Variants in PATJ observed in about 807,000 individuals in gnomAD.
The protein encoded by PATJ is PATJ crumbs cell polarity complex component.
In PATJ, 190 loss-of-function variants were observed where a neutral mutation model predicts 224.9. The ratio of observed to expected loss-of-function variants is 0.84; its 90% CI spans 0.75 to 0.95. The LOEUF is 0.95. Among genes scored for constraint, PATJ ranks in the 40% least tolerant of loss-of-function variants. PATJ has a pLI of 0.00. For synonymous variants in PATJ, 769 were observed against 820.3 expected, an observed-to-expected ratio of 0.94 and a Z score of 1.07; for missense variants, 2,121 against 2,270.3, an observed-to-expected ratio of 0.93 and a Z score of 1.34.
rs754511510 is a variant in PATJ at position 62,116,542 on chromosome 1, G to A, written c.4666G>A (p.Gly1556Arg). The part of the protein sequence containing the change: ...LSIVGKRNGS[G>R]VFISDIVKGG... ...GTATGGTATTAACAGAAATGGAAGC[G>A]GAGTGTTTATTTCTGACATCGTGAA... is the stretch of plus-strand genomic sequence containing the variant. Residue 1556 changes from glycine to arginine, a missense_variant, in exon 36 of 44, where the codon GGA becomes AGA. Gly to Arg is a moderately radical substitution (Grantham distance 125, BLOSUM62 -2). Transcript: ENST00000642238. The A allele has an allele frequency of 1.4e-5, 23 of 1,613,786 alleles. No homozygotes were observed. The highest frequency in any genetic ancestry group is 9.3e-5 in the African/African-American group (7 of 74,904).
chr1:61,842,610 A>G (rs1283108611), intron 17 of PATJ, among the ~76,000 whole-genome samples: 1 of 152,092 alleles, frequency 6.6e-6, no homozygotes, highest in Non-Finnish European at 1.5e-5. Context: ...ATGGCCATGG[A>G]GAGCTAAAAT....
chr1:61,958,946 C>T (rs1680825505), intron 27 of PATJ, among the ~76,000 whole-genome samples: 1 of 152,032 alleles, frequency 6.6e-6, no homozygotes, highest in Admixed American at 6.5e-5. Context: ...TCAGTAAATA[C>T]GAAGAGCCTA....
intron 28 of PATJ, among the ~76,000 whole-genome samples, chr1:62,007,947 C>A (rs1646191981): frequency 6.6e-6 from 1 of 152,162 alleles, no homozygotes; most frequent in Non-Finnish European, 1.5e-5. Context: ...CAGCCCATAA[C>A]AATAGCTTCA....
intron 9 of PATJ, among the ~76,000 whole-genome samples, chr1:61,792,026 AAAAAT>A (rs1354703082): frequency 6.6e-6 from 1 of 152,218 alleles, no homozygotes; most frequent in African/African-American, 2.4e-5. Context: ...TAGGGTAAGA[AAAAAT>A]AAACCTTTCC....
intron 1 of PATJ, among the ~76,000 whole-genome samples, chr1:61,760,619 C>CTTTTTTTTTTTTTTTTTTTTTTTTTTTT (rs200693394): frequency 7.4e-6 from 1 of 135,486 alleles, no homozygotes; most frequent in Non-Finnish European, 1.6e-5. Flanking sequence ...TTTTCTTTTT[C>CTTTTTTTTTTTTTTTTTTTTTTTTTTTT]TTTTTTTTTT....
chr1:61,830,467 A>ACATGTTT (rs1553172774), intron 16 of PATJ, among the ~76,000 whole-genome samples: 2 of 151,134 alleles, frequency 1.3e-5, no homozygotes, highest in African/African-American at 4.9e-5. Flanking sequence ...TATTTCTGTG[A>ACATGTTT]CATTTTTCAC....
chr1:61,889,221 G>A (rs12068057), intron 22 of PATJ, among the ~76,000 whole-genome samples: 38,279 of 152,018 alleles, frequency 0.25, 5,064 homozygotes, highest in African/African-American at 0.33. Flanking sequence ...GTCTACGTGC[G>A]TGTGAGTGCA....
At chr1:61,874,107 A>T (rs540474430) in intron 20 of PATJ, among the ~76,000 whole-genome samples, 1 of 152,312 alleles carries the variant, frequency 6.6e-6, no homozygotes, top group South Asian at 2.1e-4. Context: ...TTTCTGGTTC[A>T]TAAATGTCAT....
intron 14 of PATJ, among the ~76,000 whole-genome samples, chr1:61,819,955 G>C (rs1293791729): frequency 6.6e-6 from 1 of 152,118 alleles, no homozygotes; most frequent in African/African-American, 2.4e-5. Context: ...ATAGATATTA[G>C]TAAAAGAGTG....
At chr1:62,001,329 C>T (rs559382920) in intron 28 of PATJ, among the ~76,000 whole-genome samples, 43 of 149,098 alleles carry the variant, frequency 2.9e-4, no homozygotes, top group African/African-American at 9.1e-4. Context: ...TTAGGTCTAA[C>T]GTTTAAGTCT....
chr1:62,101,240 C>T (rs1662116851), intron 33 of PATJ, among the ~76,000 whole-genome samples: 1 of 150,464 alleles, frequency 6.6e-6, no homozygotes, highest in African/African-American at 2.4e-5. Context: ...GACGTTAACA[C>T]AGTAGTTTCT....
intron 29 of PATJ, among the ~76,000 whole-genome samples, chr1:62,034,336 G>A (rs907248688): frequency 6.6e-6 from 1 of 151,578 alleles, no homozygotes; most frequent in Non-Finnish European, 1.5e-5. Context: ...CCAGCTACTC[G>A]AGTGGCTGAG....
In PATJ at chr1:62,081,845, G is replaced by A. The variant is rs567986789; in HGVS notation, c.4243+2278G>A. On this transcript the variant is annotated intron_variant, in intron 32 of 43. Transcript: ENST00000642238. ...GCCTCCCAAAGTGCTGAGGTTACAG[G>A]CGTGAGCCACCGCACCCGACCTAAA... Among the ~76,000 whole-genome samples, 430 of 152,296 alleles carry A rather than the reference G, an allele frequency of 2.8e-3. 3 individuals are homozygous for A. The highest frequency in any genetic ancestry group is 9.9e-3 in the African/African-American group (413 of 41,556).
At chr1:61,879,770 G>A (rs1667831668) in intron 21 of PATJ, among the ~76,000 whole-genome samples, 1 of 151,656 alleles carries the variant, frequency 6.6e-6, no homozygotes, top group Non-Finnish European at 1.5e-5. Flanking sequence ...TACCTAGAAT[G>A]GTATTGCAGA....
chr1:62,125,257 A>AAC (rs1665585097), intron 39 of PATJ, among the ~76,000 whole-genome samples: 1 of 111,624 alleles, frequency 9.0e-6, no homozygotes, highest in Non-Finnish European at 1.9e-5. Flanking sequence ...AAAAAAACAA[A>AAC]AAAAAACAAA....
chr1:61,781,086 C>T (rs505903), intron 7 of PATJ, among the ~76,000 whole-genome samples: 11,614 of 152,170 alleles, frequency 0.076, 597 homozygotes, highest in Non-Finnish European at 0.11. Context: ...AAGAAATTGC[C>T]CTAGGTTACA....
At chr1:61,750,239 T>C (rs878855721) in intron 1 of PATJ, among the ~76,000 whole-genome samples, 1 of 152,326 alleles carries the variant, frequency 6.6e-6, no homozygotes, top group Admixed American at 6.5e-5. Context: ...ACCAAGGTCC[T>C]GCCCTTGCTT....
intron 17 of PATJ, among the ~76,000 whole-genome samples, chr1:61,836,501 G>A (rs538122900): frequency 6.6e-6 from 1 of 152,288 alleles, no homozygotes; most frequent in Admixed American, 6.5e-5. Flanking sequence ...GGGGAATGGG[G>A]AGGGGAACAC....
chr1:61,763,007 C>A lies in PATJ; in HGVS notation c.23-6C>A. On this transcript the variant is annotated splice_region_variant and splice_polypyrimidine_tract_variant and intron_variant, in intron 2 of 43. Coordinates refer to ENST00000642238, the MANE Select transcript of PATJ (RefSeq NM_001350145.3). ...CTATTACTCTACTTATTCATCTTGACCCAAGATAAACTGCAGGTGCTGCAG... is the reference window on the plus strand; with the variant it reads ...CTATTACTCTACTTATTCATCTTGAACCAAGATAAACTGCAGGTGCTGCAG... 3 of 1,603,838 alleles carry A rather than the reference C, an allele frequency of 1.9e-6. No homozygotes were observed. The highest frequency in any genetic ancestry group is 2.6e-6 in the Non-Finnish European group (3 of 1,174,118).
Sources: gnomAD v4.1 joint callset for allele counts (sites outside exome capture counted in the v4.1 genomes callset) on GRCh38, gnomAD v4.1.1 for gene constraint, MANE v1.5 for transcripts, NCBI Gene and HGNC (gene_info 2026-07-23, HGNC 2026-07-21) for gene names.